APOBEC1: variants seen among roughly 807,000 people sequenced by gnomAD.
APOBEC1 encodes the protein C->U-editing enzyme APOBEC-1.
APOBEC1 carries 22 observed loss-of-function variants against 26.3 expected under a neutral mutation model. The ratio of observed to expected loss-of-function variants is 0.84; its 90% confidence interval spans 0.60 to 1.19. The LOEUF (loss-of-function observed/expected upper bound fraction) is 1.19. Ranked by LOEUF, APOBEC1 falls within the 50% of genes most tolerant of loss-of-function variation. The pLI is 0.00. For synonymous variants in APOBEC1, 77 were observed against 95.3 expected (o/e 0.81, Z 1.12); for missense variants, 253 against 289.0 (o/e 0.88, Z 0.90).
chr12:7,653,138 G>T (rs746331216), intron 2 of APOBEC1, among the ~76,000 whole-genome samples: 1 of 151,988 alleles, frequency 6.6e-6, no homozygotes, highest in Non-Finnish European at 1.5e-5. Flanking sequence ...CACCATGTTG[G>T]CCAGGCTGGT....
intron 1 of APOBEC1, among the ~76,000 whole-genome samples, chr12:7,660,004 A>G (rs1863781173): frequency 6.6e-6 from 1 of 151,826 alleles, no homozygotes; most frequent in Admixed American, 6.6e-5. Context: ...TAAAGTTTCA[A>G]TTTAAAGAAA....
intron 1 of APOBEC1, among the ~76,000 whole-genome samples, chr12:7,660,451 A>T (rs932171666): frequency 1.2e-4 from 18 of 151,342 alleles, no homozygotes; most frequent in African/African-American, 4.4e-4. Flanking sequence ...TCACACCTGT[A>T]ATCCCAGCAC....
chr12:7,652,851 C>T lies in APOBEC1; in HGVS notation c.45-16G>A, dbSNP rs1291872314. 5.1e-6 allele frequency: 8 copies of T among 1,559,618 alleles called. No individual in the cohort carries two copies. The Admixed American group carries it at 5.9e-5, about 12-fold the overall frequency. ...GATTCTTCTCCTGAAATACAAAAAG[C>T]AGCCCACACTGTCATGCCACATTTA... On this transcript the variant is annotated splice_polypyrimidine_tract_variant and intron_variant, in intron 2 of 4. Transcript: ENST00000229304.
chr12:7,651,378 G>A (rs974011491), intron 3 of APOBEC1, among the ~76,000 whole-genome samples: 1 of 152,136 alleles, frequency 6.6e-6, no homozygotes, highest in African/African-American at 2.4e-5. Flanking sequence ...CACTTTGGGA[G>A]GCCGAGGGGG....
At chr12:7,660,353 A>AAGGAAGGG (rs1863791707) in intron 1 of APOBEC1, among the ~76,000 whole-genome samples, 1 of 43,172 alleles carries the variant, frequency 2.3e-5, no homozygotes, top group Admixed American at 1.8e-4. Flanking sequence ...GGAAGGAAGG[A>AAGGAAGGG]AGGAAGGAAG....
At chr12:7,669,480 A>T (rs918664981), upstream of APOBEC1, among the ~76,000 whole-genome samples, 1 of 152,168 alleles carries the variant, frequency 6.6e-6, no homozygotes, top group Non-Finnish European at 1.5e-5. Flanking sequence ...CTTTGTGTAA[A>T]CATGTCTCTT....
intron 2 of APOBEC1, among the ~76,000 whole-genome samples, chr12:7,653,489 CTTTTTTT>C (rs57508175): frequency 8.6e-6 from 1 of 116,232 alleles, no homozygotes; most frequent in Non-Finnish European, 1.8e-5. Flanking sequence ...TATTCTAACC[CTTTTTTT>C]TTTTTTTTTT....
chr12:7,663,872 C>T (rs987235795), intron 1 of APOBEC1, among the ~76,000 whole-genome samples: 2 of 150,866 alleles, frequency 1.3e-5, no homozygotes, highest in Admixed American at 6.6e-5. Context: ...TTTTTTTTTC[C>T]CGAGATGGAG....
chr12:7,653,112 A>G (rs935995586), intron 2 of APOBEC1, among the ~76,000 whole-genome samples: 13 of 151,726 alleles, frequency 8.6e-5, no homozygotes, highest in African/African-American at 2.9e-4. Flanking sequence ...TTGTATTTTT[A>G]GTAGAGACGG....
intron 1 of APOBEC1, among the ~76,000 whole-genome samples, chr12:7,658,808 C>G (rs1365565561): frequency 6.7e-6 from 1 of 150,128 alleles, no homozygotes; most frequent in African/African-American, 2.5e-5. Context: ...CAAAAATTAG[C>G]CGGGTGTGGT....
rs1275021326 is a variant in APOBEC1 at position 7,660,918 on chromosome 12, G to T, written c.16+4939C>A. Among the ~76,000 whole-genome samples the T allele has an allele frequency of 6.6e-5, 10 of 151,566 alleles. No homozygotes were observed. The Admixed American group carries it at 6.6e-4, about 10-fold the overall frequency. On this transcript the variant is annotated intron_variant, in intron 1 of 4. Coordinates refer to ENST00000229304, the MANE Select transcript of APOBEC1 (RefSeq NM_001644.5). Reference sequence around the variant, plus strand: ...TGGACATAAAGACAGGAACAGCCAGGCATGGTGGCTCACACCTCTAATCCC... The same window carrying T: ...TGGACATAAAGACAGGAACAGCCAGTCATGGTGGCTCACACCTCTAATCCC...
At chr12:7,665,075 G>T (rs1863874437) in intron 1 of APOBEC1, among the ~76,000 whole-genome samples, 1 of 152,044 alleles carries the variant, frequency 6.6e-6, no homozygotes. Context: ...AATTTTTTTA[G>T]GTCTACACTT....
chr12:7,665,911 G>C (rs1388511897), upstream of APOBEC1: 10 of 1,613,512 alleles, frequency 6.2e-6, no homozygotes, highest in Non-Finnish European at 8.5e-6. Context: ...GGAGTCATAA[G>C]TTGTGCTGAT....
upstream of APOBEC1, among the ~76,000 whole-genome samples, chr12:7,667,363 T>A (rs1315816901): frequency 6.6e-6 from 1 of 152,174 alleles, no homozygotes; most frequent in Non-Finnish European, 1.5e-5. Flanking sequence ...TTTCAAGGCC[T>A]AAGTCTCCCT....
At chr12:7,652,939 TA>T (rs1315453515) in intron 2 of APOBEC1, 104 bp from the exon 3 acceptor site, 5 of 1,029,538 alleles carry the variant, frequency 4.9e-6, no homozygotes, top group Admixed American at 3.9e-5. Flanking sequence ...TATTTTATTT[TA>T]TTTTTTTAAG....
chr12:7,650,820 C>T (rs78654427), intron 4 of APOBEC1, among the ~76,000 whole-genome samples: 2,674 of 152,332 alleles, frequency 0.018, 39 homozygotes, highest in African/African-American at 0.028. Flanking sequence ...AACGCCTAGA[C>T]TCAAGCTTCC....
rs1469703713 is a variant in APOBEC1, at chr12:7,659,339, ATATATATATATG to A, written c.17-4719_17-4708del. Reference sequence around the variant, plus strand: ...AAAAAAAAAATATATATATATATATATATATATATATGTTTATATTTGAAATTTAAAAATCAC... The same window carrying A: ...AAAAAAAAAATATATATATATATATATTTATATTTGAAATTTAAAAATCAC... On this transcript the variant is annotated intron_variant, in intron 1 of 4. Coordinates refer to ENST00000229304, the MANE Select transcript of APOBEC1 (RefSeq NM_001644.5). 1.3e-3 allele frequency among the ~76,000 whole-genome samples: 138 copies of A among 109,996 alleles called. 1 individual carries two copies. The highest frequency in any genetic ancestry group is 3.0e-3 in the African/African-American group (87 of 29,324). The allele number at this position is 109,996 out of a possible 152,430, so 72.2% of individuals were successfully genotyped here. A position where few individuals can be genotyped will look rare whatever the true frequency, so the allele number is the denominator to read the frequency against.
At chr12:7,652,334 T>G in intron 3 of APOBEC1, 104 bp downstream of exon 3, 1 of 1,079,516 alleles carries the variant, frequency 9.3e-7, no homozygotes, top group South Asian at 1.8e-5. Flanking sequence ...GGACTTTTAC[T>G]TCTGAGACTT....
intron 3 of APOBEC1, 57 bp downstream of exon 3, chr12:7,652,381 G>T: frequency 6.7e-7 from 1 of 1,488,976 alleles, no homozygotes; most frequent in Non-Finnish European, 9.0e-7. Flanking sequence ...CCTAAAAACA[G>T]CTACTATCAC....
Sources: allele counts gnomAD v4.1 joint callset (sites outside exome capture counted in the v4.1 genomes callset), GRCh38; gene constraint gnomAD v4.1.1; transcripts MANE v1.5; gene names NCBI Gene and HGNC (gene_info 2026-07-23, HGNC 2026-07-21).